Variants in RBFOX1 observed in about 807,000 individuals in gnomAD.
RBFOX1 encodes RNA binding protein fox-1 homolog 1.
In RBFOX1, 8 loss-of-function variants were observed where a neutral mutation model predicts 57.7. The observed-to-expected ratio is 0.14, with a 90% CI of 0.08 to 0.25. RBFOX1 has a LOEUF of 0.25. Among genes scored for constraint, RBFOX1 ranks in the 10% least tolerant of loss-of-function variants. RBFOX1 has a pLI of 1.00. For synonymous variants in RBFOX1, 326 were observed against 222.4 expected (o/e 1.47, Z -4.15); for missense variants, 611 against 548.5 (o/e 1.11, Z -1.14).
intron 3 of RBFOX1, among the ~76,000 whole-genome samples, chr16:5,835,719 C>T (rs2056435212): frequency 6.6e-6 from 1 of 152,228 alleles, no homozygotes; most frequent in South Asian, 2.1e-4. Flanking sequence ...AAATGTGTTT[C>T]CTGTCTCATC....
chr16:6,753,848 C>T lies in RBFOX1; in HGVS notation c.-16+99198C>T, dbSNP rs138118981. ...TTTCCTGGGCTTGAGGGATTTTTGC[C>T]GAGCTGAGTTTTATGGTTGATGTGC... On this transcript the variant is annotated intron_variant, in intron 3 of 15. Transcript: ENST00000550418. Among the ~76,000 whole-genome samples the T allele has an allele frequency of 7.9e-4, 120 of 152,046 alleles. 1 individual carries two copies. Among genetic ancestry groups the T allele is most frequent in the African/African-American group, 2.8e-3 (115 of 41,500 alleles).
intron 14 of RBFOX1, 25 bp from the exon 15 acceptor site, chr16:7,709,031 A>T: frequency 4.4e-6 from 7 of 1,590,572 alleles, no homozygotes; most frequent in Non-Finnish European, 6.0e-6. Context: ...CTGTGGATCA[A>T]TCTTCACCTC....
chr16:6,956,602 G>A (rs1267274407), intron 3 of RBFOX1, among the ~76,000 whole-genome samples: 1 of 152,214 alleles, frequency 6.6e-6, no homozygotes. Context: ...AGAGGAGTGA[G>A]TGGTTCAAAT....
intron 2 of RBFOX1, among the ~76,000 whole-genome samples, chr16:5,530,474 C>A (rs972454954): frequency 6.6e-6 from 1 of 152,192 alleles, no homozygotes; most frequent in African/African-American, 2.4e-5. Flanking sequence ...ACATGCATTT[C>A]ACCTCTACCC....
intron 1 of RBFOX1, among the ~76,000 whole-genome samples, chr16:6,148,587 G>T (rs1269803024): frequency 6.6e-6 from 1 of 152,118 alleles, no homozygotes; most frequent in Admixed American, 6.5e-5. Flanking sequence ...TGGCACCTAG[G>T]TAGTAGATGA....
intron 3 of RBFOX1, chr16:5,610,643 A>G (rs892630380): frequency 6.6e-6 from 1 of 152,144 alleles, no homozygotes; most frequent in Non-Finnish European, 1.5e-5. Context: ...GGAGTTTGAG[A>G]TCAGCCTGGG....
intron 3 of RBFOX1, among the ~76,000 whole-genome samples, chr16:5,746,879 G>C (rs986453331): frequency 2.6e-5 from 4 of 152,248 alleles, no homozygotes; most frequent in Non-Finnish European, 5.9e-5. Context: ...ATCATGTCCT[G>C]TGCAAACAGG....
chr16:6,548,197 C>G (rs1451444823), intron 2 of RBFOX1, among the ~76,000 whole-genome samples: 1 of 152,120 alleles, frequency 6.6e-6, no homozygotes. Flanking sequence ...TATTGCCATC[C>G]TTTATTTATA....
chr16:6,554,775 TACACAGACACAC>T (rs111365357), intron 2 of RBFOX1, among the ~76,000 whole-genome samples: 2,571 of 148,464 alleles, frequency 0.017, 54 homozygotes, highest in South Asian at 0.074. Context: ...CACACAAAGG[TACACAGACACAC>T]ACACAGACAC....
chr16:6,747,135 C>A (rs540239469), intron 3 of RBFOX1, among the ~76,000 whole-genome samples: 1 of 152,134 alleles, frequency 6.6e-6, no homozygotes, highest in Non-Finnish European at 1.5e-5. Flanking sequence ...GTCGGCCAGG[C>A]GCAGTGGCTC....
At chr16:7,027,544 C>T (rs1427449201) in intron 3 of RBFOX1, among the ~76,000 whole-genome samples, 1 of 152,054 alleles carries the variant, frequency 6.6e-6, no homozygotes, top group South Asian at 2.1e-4. Flanking sequence ...CTAAATCACT[C>T]CCTGTGGTTT....
chr16:7,168,171 G>A (rs980431818), intron 4 of RBFOX1, among the ~76,000 whole-genome samples: 3 of 152,282 alleles, frequency 2.0e-5, no homozygotes, highest in East Asian at 1.9e-4. Flanking sequence ...ATCAATGATG[G>A]CTTTTCTATG....
At chr16:6,212,725 A>G (rs2097306709) in intron 1 of RBFOX1, among the ~76,000 whole-genome samples, 1 of 7,484 alleles carries the variant, frequency 1.3e-4, no homozygotes, top group South Asian at 0.05. Context: ...ACAAACAAAC[A>G]AACAAAAAAA....
At chr16:5,624,750 T>G (rs1234101583) in intron 3 of RBFOX1, among the ~76,000 whole-genome samples, 1 of 152,244 alleles carries the variant, frequency 6.6e-6, no homozygotes, top group Non-Finnish European at 1.5e-5. Flanking sequence ...GTGACAGGTC[T>G]TTGAGCTTGC....
chr16:5,424,989 T>TTTCTTTTTTTCTTTC lies in RBFOX1; in HGVS notation c.220-42225_220-42224insCTTTTTTTCTTTCTT, dbSNP rs59594774. Among the ~76,000 whole-genome samples the TTTCTTTTTTTCTTTC allele has an allele frequency of 2.6e-5, 2 of 75,732 alleles. 1 individual carries two copies. Among genetic ancestry groups the TTTCTTTTTTTCTTTC allele is most frequent in the Admixed American group, 3.1e-4 (2 of 6,452 alleles). The allele number at this position is 75,732 out of a possible 152,430, so 49.7% of individuals were successfully genotyped here. A position where few individuals can be genotyped will look rare whatever the true frequency, so the allele number is the denominator to read the frequency against. On this transcript the variant is annotated intron_variant, in intron 1 of 2. Coordinates refer to the RBFOX1 transcript ENST00000585867. ...CTCTTTCTTTCTTTCTTTTCTTTTC[T>TTTCTTTTTTTCTTTC]TTTCTTTTCTTTTCTTTTCTTTTCT...
At chr16:6,578,707 C>G (rs1264813695) in intron 2 of RBFOX1, among the ~76,000 whole-genome samples, 1 of 151,654 alleles carries the variant, frequency 6.6e-6, no homozygotes, top group Non-Finnish European at 1.5e-5. Context: ...GAAGAAGAAA[C>G]AGAATATTTT....
chr16:6,139,773 G>C (rs1391621944), intron 1 of RBFOX1, among the ~76,000 whole-genome samples: 4 of 151,916 alleles, frequency 2.6e-5, no homozygotes, highest in Non-Finnish European at 5.9e-5. Context: ...TTATGTATCT[G>C]TTTTTGTTTC....
intron 14 of RBFOX1, among the ~76,000 whole-genome samples, chr16:7,688,648 C>A (rs147309446): frequency 1.3e-5 from 2 of 151,890 alleles, no homozygotes; most frequent in African/African-American, 2.4e-5. Flanking sequence ...GGGTGATATG[C>A]GGCAATCCAC....
chr16:7,321,262 A>C (rs1048000336), intron 4 of RBFOX1, among the ~76,000 whole-genome samples: 1 of 152,086 alleles, frequency 6.6e-6, no homozygotes, highest in African/African-American at 2.4e-5. Flanking sequence ...GTCCTGCATC[A>C]GCCTCCTAAG....
Sources: gnomAD v4.1 joint callset for allele counts (sites outside exome capture counted in the v4.1 genomes callset) on GRCh38, gnomAD v4.1.1 for gene constraint, MANE v1.5 for transcripts, NCBI Gene and HGNC (gene_info 2026-07-23, HGNC 2026-07-21) for gene names.